Variants in PDE1A observed in about 807,000 individuals in gnomAD.
PDE1A encodes the protein dual specificity calcium/calmodulin-dependent 3',5'-cyclic nucleotide phosphodiesterase 1A.
In PDE1A, 35 loss-of-function variants were observed where a neutral mutation model predicts 61.7. The observed-to-expected ratio is 0.57, with a 90% CI of 0.43 to 0.75. The LOEUF is 0.75. Ranked by LOEUF, PDE1A falls within the 30% of genes least tolerant of loss-of-function variation. The pLI is 0.00. For synonymous variants in PDE1A, 232 were observed against 213.2 expected, an observed-to-expected ratio of 1.09 and a Z score of -0.77; for missense variants, 597 against 630.6, an observed-to-expected ratio of 0.95 and a Z score of 0.57.
At chr2:182,676,065 C>G in the PDE1A span, among the ~76,000 whole-genome samples, 3 of 152,028 alleles carry the variant, frequency 2.0e-5, no homozygotes, top group African/African-American at 7.2e-5. Flanking sequence ...AGGTTGTCTT[C>G]CAAGGTTTTT....
At chr2:182,586,126 G>C in the PDE1A span, among the ~76,000 whole-genome samples, 3 of 151,720 alleles carry the variant, frequency 2.0e-5, no homozygotes, top group Non-Finnish European at 4.4e-5. Flanking sequence ...CAAATTATGA[G>C]GTATTCATTT....
the PDE1A span, among the ~76,000 whole-genome samples, chr2:182,666,509 G>C: frequency 1.3e-5 from 2 of 151,826 alleles, no homozygotes; most frequent in African/African-American, 4.8e-5. Context: ...TCAGGAGGCT[G>C]ATGCAGGAGA....
At chr2:182,315,717 G>A (rs1025836856) in intron 1 of PDE1A, among the ~76,000 whole-genome samples, 5 of 152,098 alleles carry the variant, frequency 3.3e-5, no homozygotes, top group African/African-American at 1.2e-4. Context: ...GGGACACTGG[G>A]GCACATGTAG....
intron 2 of PDE1A, chr2:182,463,516 C>T (rs1476755063): frequency 6.6e-6 from 1 of 152,072 alleles, no homozygotes; most frequent in Non-Finnish European, 1.5e-5. Flanking sequence ...TGTACTTCAA[C>T]TAGAAAAGAA....
At chr2:182,266,056 T>C (rs371340462) in intron 1 of PDE1A, among the ~76,000 whole-genome samples, 4 of 151,980 alleles carry the variant, frequency 2.6e-5, no homozygotes, top group African/African-American at 7.2e-5. Flanking sequence ...CATTTCTCTA[T>C]GGGAAAAAAA....
intron 1 of PDE1A, among the ~76,000 whole-genome samples, chr2:182,270,472 C>G (rs1692936619): frequency 6.6e-6 from 1 of 151,950 alleles, no homozygotes; most frequent in Non-Finnish European, 1.5e-5. Context: ...ATGGAAAAAT[C>G]CTGTGTGTCT....
chr2:182,246,370 T>C (rs1690946499), intron 2 of PDE1A, among the ~76,000 whole-genome samples: 1 of 151,724 alleles, frequency 6.6e-6, no homozygotes, highest in Non-Finnish European at 1.5e-5. Flanking sequence ...TATTTTGTCT[T>C]TTTATTCTAC....
chr2:182,149,678 T>A (rs896915912), intron 13 of PDE1A, among the ~76,000 whole-genome samples: 3 of 152,018 alleles, frequency 2.0e-5, no homozygotes, highest in African/African-American at 4.8e-5. Context: ...TAGTACTTCA[T>A]AAAAAAAGAA....
chr2:182,147,208 C>T (rs1690542878), intron 13 of PDE1A, 56 bp from the exon 14 acceptor site: 1 of 1,021,308 alleles, frequency 9.8e-7, no homozygotes, highest in South Asian at 1.4e-5. Context: ...TTGGAAAAAA[C>T]TAATAAGGTT....
chr2:182,144,973 A>C (rs1355729102), downstream of PDE1A, among the ~76,000 whole-genome samples: 1 of 152,140 alleles, frequency 6.6e-6, no homozygotes, highest in African/African-American at 2.4e-5. Flanking sequence ...CTCTGTTTCC[A>C]GGACTGATCA....
chr2:182,517,487 T>C (rs940698143), intron 2 of PDE1A, among the ~76,000 whole-genome samples: 2 of 152,214 alleles, frequency 1.3e-5, no homozygotes, highest in Non-Finnish European at 2.9e-5. Context: ...ATTAATTGCA[T>C]TATCTCCTAT....
At chr2:182,307,380 G>C (rs549717987) in intron 1 of PDE1A, among the ~76,000 whole-genome samples, 1 of 152,212 alleles carries the variant, frequency 6.6e-6, no homozygotes, top group East Asian at 1.9e-4. Context: ...GTGGGAGTGG[G>C]TTCCTTATAA....
chr2:182,491,148 G>A (rs962928670), intron 2 of PDE1A, among the ~76,000 whole-genome samples: 35 of 152,160 alleles, frequency 2.3e-4, no homozygotes, highest in African/African-American at 6.8e-4. Context: ...GAGATTGGTG[G>A]ACAACAAATA....
the PDE1A span, among the ~76,000 whole-genome samples, chr2:182,560,083 T>C: frequency 6.6e-6 from 1 of 151,152 alleles, no homozygotes; most frequent in East Asian, 1.9e-4. Context: ...TTTTTTATAC[T>C]TTAAGTTTTA....
intron 1 of PDE1A, 57 bp downstream of exon 1, chr2:182,426,521 G>C: frequency 8.4e-7 from 1 of 1,188,410 alleles, no homozygotes. Context: ...TAAGGATGAA[G>C]GGAGAAACTA....
At chr2:182,185,837 AGAG>A in intron 13 of PDE1A, 52 bp downstream of exon 13, 5 of 1,610,328 alleles carry the variant, frequency 3.1e-6, no homozygotes, top group Non-Finnish European at 4.2e-6. Flanking sequence ...CCAAACTCTT[AGAG>A]GAGAAGTGAA....
chr2:182,679,182 A>ATTT, the PDE1A span, among the ~76,000 whole-genome samples: 180 of 141,026 alleles, frequency 1.3e-3, 1 homozygote, highest in African/African-American at 4.8e-3. Flanking sequence ...TATTATTATT[A>ATTT]TTATTATTAT....
At chr2:182,293,173 A>C (rs833162) in intron 1 of PDE1A, among the ~76,000 whole-genome samples, 136,686 of 152,088 alleles carry the variant, frequency 0.9, 61,545 homozygotes, top group African/African-American at 0.94. Flanking sequence ...TGTAAGAATT[A>C]TTTAAGAATT....
chr2:182,687,581 G>GA, the PDE1A span, among the ~76,000 whole-genome samples: 3 of 152,064 alleles, frequency 2.0e-5, no homozygotes, highest in African/African-American at 4.8e-5. Context: ...CAAAGATGGG[G>GA]AAAAAACAGA....
Sources: gnomAD v4.1 joint callset for allele counts (sites outside exome capture counted in the v4.1 genomes callset) on GRCh38, gnomAD v4.1.1 for gene constraint, MANE v1.5 for transcripts, NCBI Gene and HGNC (gene_info 2026-07-23, HGNC 2026-07-21) for gene names.